The following PEX5L variants were observed in gnomAD, a reference collection of about 807,000 sequenced individuals.
PEX5L encodes PEX5-related protein.
In PEX5L, 30 loss-of-function variants were observed where a neutral mutation model predicts 84.0. That is an observed-to-expected ratio of 0.36 (90% CI 0.27 to 0.48). PEX5L has a LOEUF of 0.48. Among genes scored for constraint, PEX5L ranks in the 20% least tolerant of loss-of-function variants. The pLI, the probability that PEX5L is intolerant of heterozygous loss-of-function variation, is 0.99. For missense variants in PEX5L, 533 were observed against 754.6 expected, an observed-to-expected ratio of 0.71 and a Z score of 3.44; for synonymous variants, 270 against 283.1, an observed-to-expected ratio of 0.95 and a Z score of 0.46.
Position 179,859,068 on chromosome 3 carries a change from TG to T in PEX5L, c.815del (p.Ala272GlufsTer35). 1 of 1,610,836 alleles carries T rather than the reference TG, an allele frequency of 6.2e-7. No individual in the cohort carries two copies. Among genetic ancestry groups the T allele is most frequent in the Non-Finnish European group, 8.5e-7 (1 of 1,176,994 alleles). On this transcript the variant is annotated frameshift_variant, in exon 8 of 15. Transcript: ENST00000467460. LOFTEE classifies it high-confidence loss of function. ...LEEEFERAKA[A>X]VESDTEFWDK... ...TAATTTGAAGAAAAGTTACCTCCAC[TG>T]CTGCTTTTGCCCTTTCAAACTCTTC...
chr3:179,947,508 C>T (rs1051780920), intron 2 of PEX5L, among the ~76,000 whole-genome samples: 12 of 151,914 alleles, frequency 7.9e-5, no homozygotes, highest in Non-Finnish European at 1.3e-4. Flanking sequence ...GTGGTACAGT[C>T]AGGATTAAAA....
chr3:179,857,297 C>T (rs1440481956), intron 8 of PEX5L, among the ~76,000 whole-genome samples: 1 of 152,158 alleles, frequency 6.6e-6, no homozygotes, highest in East Asian at 1.9e-4. Context: ...TGACTTGCTC[C>T]AGAGGGGGTA....
chr3:179,837,234 C>A (rs58445553), intron 8 of PEX5L, among the ~76,000 whole-genome samples: 2,079 of 152,180 alleles, frequency 0.014, 44 homozygotes, highest in African/African-American at 0.048. Context: ...TTTCAGGGAA[C>A]AAGTCTCATT....
intron 8 of PEX5L, among the ~76,000 whole-genome samples, chr3:179,827,570 T>C (rs1264438741): frequency 6.6e-6 from 1 of 152,198 alleles, no homozygotes; most frequent in East Asian, 1.9e-4. Flanking sequence ...TATTGTTGTT[T>C]TAAGCCACAG....
At chr3:179,981,379 G>C (rs1043837343) in intron 1 of PEX5L, among the ~76,000 whole-genome samples, 9 of 152,152 alleles carry the variant, frequency 5.9e-5, no homozygotes, top group African/African-American at 2.2e-4. Context: ...AGGAAGGAAG[G>C]CTGGAGTCAA....
chr3:179,983,535 A>G (rs1248901277), intron 1 of PEX5L, among the ~76,000 whole-genome samples: 1 of 151,970 alleles, frequency 6.6e-6, no homozygotes, highest in African/African-American at 2.4e-5. Context: ...TATAAAAACA[A>G]TCTTGTTAGC....
intron 2 of PEX5L, chr3:179,902,787 T>C (rs1044793068): frequency 2.5e-6 from 1 of 393,290 alleles, no homozygotes; most frequent in Non-Finnish European, 5.0e-6. Context: ...AAAACTTATT[T>C]TCATTATTTT....
intron 8 of PEX5L, among the ~76,000 whole-genome samples, chr3:179,831,511 G>A (rs916569383): frequency 6.6e-6 from 1 of 152,090 alleles, no homozygotes; most frequent in Non-Finnish European, 1.5e-5. Context: ...CTACTACGTG[G>A]GAGGCAGTAT....
rs545646369 is a variant in PEX5L at position 180,027,087 on chromosome 3, T to C, written c.21+9492A>G. Among the ~76,000 whole-genome samples, 18 of 151,344 alleles carry C rather than the reference T, an allele frequency of 1.2e-4. No homozygotes were observed. The South Asian group carries it at 2.5e-3, about 21-fold the overall frequency. On this transcript the variant is annotated intron_variant, in intron 1 of 14. Coordinates refer to ENST00000467460, the MANE Select transcript of PEX5L (RefSeq NM_016559.3). Reference sequence around the variant, plus strand: ...TCCATCCTGGCAGTAAGGGCAGCCATTGAAGCTGTAACATGGGGTTTCTGT... The same window carrying C: ...TCCATCCTGGCAGTAAGGGCAGCCACTGAAGCTGTAACATGGGGTTTCTGT...
At chr3:179,965,097 T>G (rs528875174) in intron 2 of PEX5L, among the ~76,000 whole-genome samples, 1 of 152,194 alleles carries the variant, frequency 6.6e-6, no homozygotes. Flanking sequence ...GCTAACCACA[T>G]GGCATGGCAG....
At chr3:180,014,836 T>G (rs149199489) in intron 1 of PEX5L, among the ~76,000 whole-genome samples, 1 of 152,260 alleles carries the variant, frequency 6.6e-6, no homozygotes, top group African/African-American at 2.4e-5. Context: ...TTGGGATTAT[T>G]ATGGTGATTT....
intron 1 of PEX5L, among the ~76,000 whole-genome samples, chr3:180,024,678 A>ATG (rs200716895): frequency 8.6e-5 from 13 of 151,740 alleles, no homozygotes; most frequent in South Asian, 2.1e-4. Flanking sequence ...GAAAAGCTGC[A>ATG]TGTGTGTGTG....
intron 7 of PEX5L, among the ~76,000 whole-genome samples, chr3:179,869,331 C>T (rs918805782): frequency 2.6e-5 from 4 of 152,160 alleles, no homozygotes; most frequent in Non-Finnish European, 4.4e-5. Context: ...TTTTATGTTA[C>T]TTTCTGTGTT....
chr3:179,990,234 T>A (rs764808142), intron 1 of PEX5L, among the ~76,000 whole-genome samples: 40 of 152,176 alleles, frequency 2.6e-4, no homozygotes, highest in Admixed American at 3.9e-4. Flanking sequence ...TATAAAAGCA[T>A]GTTTCTTTGG....
chr3:179,834,728 C>G (rs1734338986), intron 8 of PEX5L, among the ~76,000 whole-genome samples: 1 of 152,116 alleles, frequency 6.6e-6, no homozygotes, highest in Non-Finnish European at 1.5e-5. Flanking sequence ...GTCCTTGAGA[C>G]CAAAAGTGTC....
intron 5 of PEX5L, among the ~76,000 whole-genome samples, chr3:179,877,539 G>C (rs1752819623): frequency 6.6e-6 from 1 of 152,118 alleles, no homozygotes. Flanking sequence ...GCTCACTGCA[G>C]CCTCAATCTC....
chr3:179,875,572 G>T, intron 5 of PEX5L, 95 bp from the exon 6 acceptor site: 1 of 830,750 alleles, frequency 1.2e-6, no homozygotes, highest in Non-Finnish European at 1.9e-6. Context: ...AGCGTGTGGT[G>T]CAGAGGGAAA....
chr3:179,981,693 AAGAG>A (rs1001383265), intron 1 of PEX5L, among the ~76,000 whole-genome samples: 4 of 152,214 alleles, frequency 2.6e-5, no homozygotes, highest in African/African-American at 7.2e-5. Flanking sequence ...TAATGAGAGA[AAGAG>A]AGAAAAAAAC....
At chr3:179,916,587 A>G (rs1310011872) in intron 2 of PEX5L, among the ~76,000 whole-genome samples, 2 of 152,152 alleles carry the variant, frequency 1.3e-5, no homozygotes, top group African/African-American at 4.8e-5. Flanking sequence ...CACTAAATTT[A>G]TACAAAAAAT....
Sources: gnomAD v4.1 joint callset for allele counts (sites outside exome capture counted in the v4.1 genomes callset) on GRCh38, gnomAD v4.1.1 for gene constraint, MANE v1.5 for transcripts, NCBI Gene and HGNC (gene_info 2026-07-23, HGNC 2026-07-21) for gene names.